Variants in CSNK2A2IP observed in about 807,000 individuals in gnomAD.
The protein encoded by CSNK2A2IP is casein kinase 2 subunit alpha' interacting protein, also known as casein kinase II subunit alpha'-interacting protein.
chr3:88,371,152 A>AAAT, the CSNK2A2IP span, among the ~76,000 whole-genome samples: 1 of 151,894 alleles, frequency 6.6e-6, no homozygotes, highest in Non-Finnish European at 1.5e-5. Flanking sequence ...TAGAAATAAG[A>AAAT]AATATGAAAT....
chr3:88,374,890 T>G, the CSNK2A2IP span, among the ~76,000 whole-genome samples: 9 of 151,828 alleles, frequency 5.9e-5, no homozygotes, highest in African/African-American at 2.2e-4. Flanking sequence ...GGATGACGAC[T>G]GGTATCAGGG....
the CSNK2A2IP span, among the ~76,000 whole-genome samples, chr3:88,389,111 G>C: frequency 6.6e-6 from 1 of 151,966 alleles, no homozygotes; most frequent in African/African-American, 2.4e-5. Context: ...TATATTAGAT[G>C]ATAATTAGTG....
At chr3:88,433,080 C>A in the CSNK2A2IP span, among the ~76,000 whole-genome samples, 2 of 151,786 alleles carry the variant, frequency 1.3e-5, no homozygotes, top group Non-Finnish European at 2.9e-5. Context: ...AAGATTTGGT[C>A]CCTGTAGACC....
chr3:88,367,540 G>T, the CSNK2A2IP span, among the ~76,000 whole-genome samples: 3 of 151,978 alleles, frequency 2.0e-5, no homozygotes, highest in Admixed American at 6.6e-5. Flanking sequence ...AAGTTATAAG[G>T]GGTCTCCACA....
At chr3:88,369,982 A>C in the CSNK2A2IP span, among the ~76,000 whole-genome samples, 1 of 151,878 alleles carries the variant, frequency 6.6e-6, no homozygotes, top group Non-Finnish European at 1.5e-5. Context: ...CTAGGCTGAA[A>C]AAGCAGCAAC....
chr3:88,440,197 T>A, the CSNK2A2IP span, among the ~76,000 whole-genome samples: 1 of 152,234 alleles, frequency 6.6e-6, no homozygotes, highest in African/African-American at 2.4e-5. Flanking sequence ...TTTTTCCATG[T>A]ATTTTGCATT....
At chr3:88,404,759 G>T in the CSNK2A2IP span, among the ~76,000 whole-genome samples, 1 of 129,018 alleles carries the variant, frequency 7.8e-6, no homozygotes, top group Non-Finnish European at 1.8e-5. Context: ...TTCTTCCTTT[G>T]TCCAAACATC....
chr3:88,418,622 A>T, the CSNK2A2IP span, among the ~76,000 whole-genome samples: 19 of 152,098 alleles, frequency 1.2e-4, no homozygotes, highest in Non-Finnish European at 2.8e-4. Flanking sequence ...ATTAAAAAAA[A>T]TTTATTTTTA....
At chr3:88,368,499 G>A in the CSNK2A2IP span, among the ~76,000 whole-genome samples, 1 of 151,954 alleles carries the variant, frequency 6.6e-6, no homozygotes, top group Non-Finnish European at 1.5e-5. Flanking sequence ...ACCTTAAGAA[G>A]TAGTAGTAAT....
At chr3:88,440,677 T>C in the CSNK2A2IP span, among the ~76,000 whole-genome samples, 1 of 152,228 alleles carries the variant, frequency 6.6e-6, no homozygotes, top group African/African-American at 2.4e-5. Flanking sequence ...GTTTCTGTTT[T>C]CATGTAGAAA....
chr3:88,396,206 C>G, the CSNK2A2IP span, among the ~76,000 whole-genome samples: 2 of 150,172 alleles, frequency 1.3e-5, no homozygotes, highest in South Asian at 2.1e-4. Context: ...CTGGGGTTCA[C>G]GCCATTCTCC....
the CSNK2A2IP span, among the ~76,000 whole-genome samples, chr3:88,404,479 G>A: frequency 1.3e-5 from 2 of 152,076 alleles, no homozygotes; most frequent in African/African-American, 2.4e-5. Context: ...GGCCCAATTG[G>A]AATAAGTTTA....
the CSNK2A2IP span, among the ~76,000 whole-genome samples, chr3:88,363,156 A>G: frequency 6.6e-6 from 1 of 152,152 alleles, no homozygotes; most frequent in African/African-American, 2.4e-5. Flanking sequence ...AGTATAAGCA[A>G]TACAAGACTT....
chr3:88,423,190 G>GA, the CSNK2A2IP span, among the ~76,000 whole-genome samples: 6 of 152,182 alleles, frequency 3.9e-5, no homozygotes, highest in Admixed American at 3.3e-4. Context: ...ATTTGTGATA[G>GA]ATTGATGAAC....
chr3:88,410,180 C>G, the CSNK2A2IP span, among the ~76,000 whole-genome samples: 1 of 151,974 alleles, frequency 6.6e-6, no homozygotes, highest in Non-Finnish European at 1.5e-5. Context: ...AAAAAGAAGG[C>G]TCTGTGCATG....
At chr3:88,369,914 T>C in the CSNK2A2IP span, among the ~76,000 whole-genome samples, 1 of 151,884 alleles carries the variant, frequency 6.6e-6, no homozygotes, top group African/African-American at 2.4e-5. Context: ...AATCTGAGCG[T>C]AAACTCAGAT....
chr3:88,433,157 G>A, the CSNK2A2IP span, among the ~76,000 whole-genome samples: 1 of 151,440 alleles, frequency 6.6e-6, no homozygotes. Context: ...AAAGATAGCT[G>A]TTTTCTTTTA....
chr3:88,421,045 C>G, the CSNK2A2IP span, among the ~76,000 whole-genome samples: 1 of 152,106 alleles, frequency 6.6e-6, no homozygotes, highest in African/African-American at 2.4e-5. Flanking sequence ...TTCTCATTAT[C>G]ATGTCCTTTC....
the CSNK2A2IP span, among the ~76,000 whole-genome samples, chr3:88,388,159 T>C: frequency 6.6e-6 from 1 of 152,242 alleles, no homozygotes; most frequent in Non-Finnish European, 1.5e-5. Flanking sequence ...TTTTAGTTTC[T>C]AACAATTCCA....
Sources: allele counts gnomAD v4.1 joint callset (sites outside exome capture counted in the v4.1 genomes callset), GRCh38; gene constraint gnomAD v4.1.1; transcripts MANE v1.5; gene names NCBI Gene and HGNC (gene_info 2026-07-23, HGNC 2026-07-21).